Variants in ZC3H11A observed in about 807,000 individuals in gnomAD.
ZC3H11A encodes zinc finger CCCH-type containing 11A.
Under a neutral mutation model 90.8 loss-of-function variants are expected in ZC3H11A, and 22 were observed. That is an observed-to-expected ratio of 0.24 (90% CI 0.17 to 0.35). The LOEUF (loss-of-function observed/expected upper bound fraction) is 0.35. ZC3H11A is among the 10% of genes least tolerant of loss of function. The pLI is 1.00. For synonymous variants in ZC3H11A, 294 were observed against 339.8 expected, an observed-to-expected ratio of 0.87 and a Z score of 1.48; for missense variants, 701 against 964.9, an observed-to-expected ratio of 0.73 and a Z score of 3.62.
intron 1 of ZC3H11A, chr1:203,797,493 TC>T (rs1364595278): frequency 1.4e-6 from 2 of 1,460,994 alleles, no homozygotes; most frequent in Non-Finnish European, 1.8e-6. Flanking sequence ...ACTAACAGAT[TC>T]TGGTACGAAT....
At chr1:203,833,008 C>T (rs896070884) in intron 9 of ZC3H11A, among the ~76,000 whole-genome samples, 25 of 151,802 alleles carry the variant, frequency 1.6e-4, no homozygotes, top group African/African-American at 4.1e-4. Flanking sequence ...CTGAGGCGGG[C>T]GGATCGCTTG....
chr1:203,816,287 A>T (rs536638606), intron 2 of ZC3H11A, among the ~76,000 whole-genome samples: 1 of 152,304 alleles, frequency 6.6e-6, no homozygotes, highest in African/African-American at 2.4e-5. Context: ...CTTTCAAATT[A>T]GTAGGCAAAA....
intron 12 of ZC3H11A, among the ~76,000 whole-genome samples, chr1:203,843,029 A>T (rs1406694094): frequency 6.6e-6 from 1 of 151,406 alleles, no homozygotes. Flanking sequence ...GTTACTTTTT[A>T]TCCCCCATCC....
intron 12 of ZC3H11A, among the ~76,000 whole-genome samples, chr1:203,842,528 A>G (rs906827997): frequency 5.5e-5 from 8 of 146,448 alleles, no homozygotes; most frequent in Non-Finnish European, 7.5e-5. Context: ...GGGAGGTTGC[A>G]GTGAGCCGAG....
At chr1:203,825,407 G>A (rs1481438722) in intron 4 of ZC3H11A, among the ~76,000 whole-genome samples, 1 of 149,492 alleles carries the variant, frequency 6.7e-6, no homozygotes, top group African/African-American at 2.5e-5. Context: ...TAATTATGTA[G>A]GAGAAATATT....
At chr1:203,799,321 A>G in intron 1 of ZC3H11A, 2 of 709,494 alleles carry the variant, frequency 2.8e-6, no homozygotes, top group Non-Finnish European at 5.1e-6. Context: ...TGCGAGCACA[A>G]AAGCATTGAG....
rs747125586 is a variant in ZC3H11A, at chr1:203,833,806, T to A, written c.827T>A (p.Val276Asp). Residue 276 changes from valine (V) to aspartate (D), a missense_variant, in exon 10 of 18, where the codon GTT becomes GAT. Val to Asp is a radical substitution (Grantham distance 152). Coordinates refer to ENST00000367210, the MANE Select transcript of ZC3H11A (RefSeq NM_001376342.1). ...LSTKQGEEPL[V>D]RLSLTERLGK... ...GCCATTTCAGGAGAAGAACCCTTGG[T>A]TAGATTGAGTCTTACTGAGAGACTG... is the stretch of plus-strand genomic sequence containing the variant. 1 of 1,608,410 alleles carries A rather than the reference T, an allele frequency of 6.2e-7. No homozygotes were observed. Among genetic ancestry groups the A allele is most frequent in the South Asian group, 1.1e-5 (1 of 89,728 alleles).
At chr1:203,846,717 A>G (rs1283354432) in intron 12 of ZC3H11A, among the ~76,000 whole-genome samples, 1 of 152,246 alleles carries the variant, frequency 6.6e-6, no homozygotes. Flanking sequence ...TGACAAATTT[A>G]TCCAACTAGT....
intron 3 of ZC3H11A, among the ~76,000 whole-genome samples, chr1:203,818,202 A>G (rs1677013955): frequency 6.6e-6 from 1 of 152,228 alleles, no homozygotes; most frequent in Non-Finnish European, 1.5e-5. Context: ...AATTATATTT[A>G]AATTCTATTT....
At chr1:203,834,242 T>C (rs1371419161) in intron 10 of ZC3H11A, 1 of 210,380 alleles carries the variant, frequency 4.8e-6, no homozygotes, top group African/African-American at 2.4e-5. Flanking sequence ...TATATAAAAT[T>C]TGAGTCCTTG....
chr1:203,835,062 C>T (rs1558129903), intron 10 of ZC3H11A, among the ~76,000 whole-genome samples: 2 of 152,248 alleles, frequency 1.3e-5, no homozygotes, highest in Non-Finnish European at 2.9e-5. Flanking sequence ...GCAGTTCTCA[C>T]TACCCTATCT....
At chr1:203,800,444 AAAAG>A (rs1558089801) in intron 1 of ZC3H11A, 11 of 1,489,200 alleles carry the variant, frequency 7.4e-6, no homozygotes, top group Non-Finnish European at 9.8e-6. Context: ...AAAGCAGTGA[AAAAG>A]AAATACTGCC....
chr1:203,810,465 G>A (rs1035400132), intron 2 of ZC3H11A, among the ~76,000 whole-genome samples: 42 of 147,066 alleles, frequency 2.9e-4, no homozygotes, highest in African/African-American at 1.0e-3. Context: ...TGTCGCCCAG[G>A]CTAGAGTGCA....
At chr1:203,797,588 T>A in intron 1 of ZC3H11A, 2 of 1,534,446 alleles carry the variant, frequency 1.3e-6, no homozygotes, top group Non-Finnish European at 1.7e-6. Context: ...GCAACACTTT[T>A]AGTGATTCTG....
chr1:203,850,059 T>C, intron 15 of ZC3H11A, 33 bp downstream of exon 15: 2 of 1,591,756 alleles, frequency 1.3e-6, no homozygotes, highest in Non-Finnish European at 1.7e-6. Flanking sequence ...TTGCTTTAGG[T>C]TATCAAAATT....
chr1:203,834,074 G>A (rs1479573818), intron 10 of ZC3H11A: 1 of 1,205,938 alleles, frequency 8.3e-7, no homozygotes, highest in African/African-American at 1.6e-5. Context: ...CATGACCAGC[G>A]TTTTGGAAGG....
At chr1:203,804,178 G>C (rs1257968562) in intron 2 of ZC3H11A, among the ~76,000 whole-genome samples, 2 of 139,210 alleles carry the variant, frequency 1.4e-5, no homozygotes, top group Non-Finnish European at 3.1e-5. Context: ...TTGAGACAGA[G>C]TCTCGCTCTG....
Position 203,800,317 on chromosome 1 carries a change from G to A in ZC3H11A, c.-1587-1258G>A, listed in dbSNP as rs527596769. The A allele has an allele frequency of 6.1e-4, 547 of 890,426 alleles. 3 individuals carry two copies. The South Asian group carries it at 7.0e-3, about 11-fold the overall frequency. The allele number at this position is 890,426 out of a possible 1,614,324, so 55.2% of individuals were successfully genotyped here. On this transcript the variant is annotated intron_variant, in intron 1 of 17. Coordinates refer to ENST00000367210, the MANE Select transcript of ZC3H11A (RefSeq NM_001376342.1). The stretch of plus-strand genomic sequence containing the variant: ...CACTTTCATCCAAAACAGATCATGA[G>A]CCTGGACTTTGACAATATAGAACAA...
chr1:203,800,474 C>G, intron 1 of ZC3H11A: 1 of 1,467,254 alleles, frequency 6.8e-7, no homozygotes, highest in Middle Eastern at 2.0e-4. Flanking sequence ...TTCTTTTTCT[C>G]CATTTAAAAT....
Sources: allele counts gnomAD v4.1 joint callset (sites outside exome capture counted in the v4.1 genomes callset), GRCh38; gene constraint gnomAD v4.1.1; transcripts MANE v1.5; gene names NCBI Gene and HGNC (gene_info 2026-07-23, HGNC 2026-07-21).